Variants in PRKAA2 observed in about 807,000 individuals in gnomAD.
PRKAA2 encodes the protein 5'-AMP-activated protein kinase catalytic subunit alpha-2.
PRKAA2 carries 40 observed loss-of-function variants against 56.3 expected under a neutral mutation model. That is an observed-to-expected ratio of 0.71 (90% CI 0.55 to 0.92). PRKAA2 has a LOEUF of 0.92. Among genes scored for constraint, PRKAA2 ranks in the 40% least tolerant of loss-of-function variants. PRKAA2 has a pLI of 0.00. For synonymous variants in PRKAA2, 214 were observed against 234.2 expected (o/e 0.91, Z 0.79); for missense variants, 542 against 686.9 (o/e 0.79, Z 2.36).
intron 5 of PRKAA2, 93 bp downstream of exon 5, chr1:56,693,945 A>T: frequency 1.2e-6 from 1 of 826,840 alleles, no homozygotes; most frequent in South Asian, 2.6e-5. Flanking sequence ...GTAAGATTTT[A>T]ACATGGTAGA....
chr1:56,714,706 A>G lies in PRKAA2; in HGVS notation c.*6993A>G, dbSNP rs1342756517. 6.6e-6 allele frequency: 1 copy of G among 152,122 alleles called. No homozygotes were observed. Among genetic ancestry groups the G allele is most frequent in the Non-Finnish European group, 1.5e-5 (1 of 67,990 alleles). 9.4% of individuals were successfully genotyped at this position (152,122 alleles called of 1,614,324 possible). A position where few individuals can be genotyped will look rare whatever the true frequency, so the allele number is the denominator to read the frequency against. On this transcript the variant is annotated 3_prime_UTR_variant, in exon 9 of 9. Coordinates refer to ENST00000371244, the MANE Select transcript of PRKAA2 (RefSeq NM_006252.4). ...ATGTAAAGTTGTTGTAGAACTGTGA[A>G]CTCTAAGGATAGTATCTTTATTGTT...
chr1:56,692,554 A>G lies in PRKAA2; in HGVS notation c.475+52A>G, dbSNP rs766545304. 4 of 1,555,036 alleles carry G rather than the reference A, an allele frequency of 2.6e-6. No homozygotes were observed. In the South Asian group the frequency reaches 3.5e-5, roughly 14 times the overall value. ...AGGTACTAGCTACCTTTTAAAGCAT[A>G]ACAACTCATTGAACTAAGAACTTTA... On this transcript the variant is annotated intron_variant, in intron 4 of 8. Coordinates refer to ENST00000371244, the MANE Select transcript of PRKAA2 (RefSeq NM_006252.4).
intron 1 of PRKAA2, among the ~76,000 whole-genome samples, chr1:56,655,820 G>A (rs1475969989): frequency 6.6e-6 from 1 of 151,464 alleles, no homozygotes; most frequent in African/African-American, 2.4e-5. Flanking sequence ...CTCTGAAGAC[G>A]GATATCCTGC....
intron 6 of PRKAA2, among the ~76,000 whole-genome samples, chr1:56,702,904 A>T (rs934374194): frequency 1.3e-5 from 2 of 152,252 alleles, no homozygotes; most frequent in Non-Finnish European, 2.9e-5. Flanking sequence ...TGCAGCTAAA[A>T]TATAATCTTT....
rs985355505 is a variant in PRKAA2 at position 56,709,754 on chromosome 1, C to T, written c.*2041C>T. On this transcript the variant is annotated 3_prime_UTR_variant, in exon 9 of 9. Transcript: ENST00000371244. ...CAGAAGGAATCCAGTGATGTTTTAG[C>T]TCCATTAGTCTAATAGGTCAGATAT... 1 of 152,118 alleles carries T rather than the reference C, an allele frequency of 6.6e-6. No individual in the cohort carries two copies. The highest frequency in any genetic ancestry group is 2.4e-5 in the African/African-American group (1 of 41,434). The allele number at this position is 152,118 out of a possible 1,614,324, so 9.4% of individuals were successfully genotyped here. A position where few individuals can be genotyped will look rare whatever the true frequency, so the allele number is the denominator to read the frequency against.
intron 2 of PRKAA2, among the ~76,000 whole-genome samples, chr1:56,686,022 A>G (rs182040522): frequency 1.3e-5 from 2 of 152,310 alleles, no homozygotes; most frequent in Admixed American, 1.3e-4. Context: ...TTTACAAAGG[A>G]AGTGAAATCC....
chr1:56,675,238 G>C (rs985605418), intron 2 of PRKAA2, among the ~76,000 whole-genome samples: 5 of 152,108 alleles, frequency 3.3e-5, no homozygotes. Context: ...TAACGTGCTA[G>C]ACACTGAAAA....
intron 2 of PRKAA2, among the ~76,000 whole-genome samples, chr1:56,679,842 T>C (rs1022000901): frequency 1.3e-5 from 2 of 152,162 alleles, no homozygotes; most frequent in African/African-American, 2.4e-5. Context: ...CTCCTCTTCC[T>C]CTTCCTCCTC....
intron 2 of PRKAA2, among the ~76,000 whole-genome samples, chr1:56,690,789 G>T (rs1437130586): frequency 6.6e-6 from 1 of 152,182 alleles, no homozygotes; most frequent in Non-Finnish European, 1.5e-5. Context: ...GTCTTGCTAT[G>T]TTGCCCAGGC....
intron 1 of PRKAA2, among the ~76,000 whole-genome samples, chr1:56,655,365 T>C (rs1373867530): frequency 1.4e-5 from 2 of 147,002 alleles, no homozygotes; most frequent in African/African-American, 2.5e-5. Flanking sequence ...TCCACCTATA[T>C]TGGCCTCCCA....
intron 1 of PRKAA2, among the ~76,000 whole-genome samples, chr1:56,662,544 A>G (rs1334924395): frequency 1.3e-5 from 2 of 152,212 alleles, no homozygotes; most frequent in African/African-American, 4.8e-5. Flanking sequence ...TGGCCTCCCA[A>G]AGTGCTAGGA....
intron 6 of PRKAA2, among the ~76,000 whole-genome samples, chr1:56,698,758 A>T (rs187784008): frequency 6.6e-6 from 1 of 152,184 alleles, no homozygotes; most frequent in Non-Finnish European, 1.5e-5. Context: ...AAGTTCGGAA[A>T]TATATCTTCA....
Position 56,691,382 on chromosome 1 carries a change from T to G in PRKAA2, c.237-12T>G. The G allele has an allele frequency of 6.3e-7, 1 of 1,598,416 alleles. No homozygotes were observed. The highest frequency in any genetic ancestry group is 8.6e-7 in the Non-Finnish European group (1 of 1,168,188). On this transcript the variant is annotated splice_polypyrimidine_tract_variant and intron_variant, in intron 2 of 8. Transcript: ENST00000371244. Reference sequence around the variant, plus strand: ...AACATACTTTGTTAACTTTTTTTAATTAACAAAAAAGATACCAGGTGATCA... The same window carrying G: ...AACATACTTTGTTAACTTTTTTTAAGTAACAAAAAAGATACCAGGTGATCA...
intron 1 of PRKAA2, among the ~76,000 whole-genome samples, chr1:56,653,286 T>A (rs958109010): frequency 6.7e-6 from 1 of 150,150 alleles, no homozygotes; most frequent in African/African-American, 2.4e-5. Context: ...TATATATAAT[T>A]TATATGATTT....
intron 2 of PRKAA2, among the ~76,000 whole-genome samples, chr1:56,682,452 G>A (rs1349198594): frequency 6.6e-6 from 1 of 152,172 alleles, no homozygotes; most frequent in Non-Finnish European, 1.5e-5. Context: ...AAGGGGAAGA[G>A]CAACATCAAA....
intron 1 of PRKAA2, among the ~76,000 whole-genome samples, chr1:56,658,983 T>G (rs1291831814): frequency 6.6e-6 from 1 of 150,738 alleles, no homozygotes; most frequent in East Asian, 2.0e-4. Context: ...TTTTTTTTTT[T>G]GTAGAGATGG....
At chr1:56,673,573 A>G (rs1644092652) in intron 1 of PRKAA2, among the ~76,000 whole-genome samples, 1 of 152,202 alleles carries the variant, frequency 6.6e-6, no homozygotes, top group African/African-American at 2.4e-5. Context: ...TTTTCACCTG[A>G]ACAGTATTTA....
intron 1 of PRKAA2, among the ~76,000 whole-genome samples, chr1:56,668,205 A>G (rs1468068465): frequency 6.9e-6 from 1 of 144,826 alleles, no homozygotes; most frequent in East Asian, 2.1e-4. Context: ...ATAGGTGGGA[A>G]TTGAACAATG....
At chr1:56,670,465 A>G (rs1010620429) in intron 1 of PRKAA2, among the ~76,000 whole-genome samples, 1 of 152,132 alleles carries the variant, frequency 6.6e-6, no homozygotes, top group Non-Finnish European at 1.5e-5. Flanking sequence ...GAAGGAAGGG[A>G]TGAGGAATAA....
Sources: gnomAD v4.1 joint callset for allele counts (sites outside exome capture counted in the v4.1 genomes callset) on GRCh38, gnomAD v4.1.1 for gene constraint, MANE v1.5 for transcripts, NCBI Gene and HGNC (gene_info 2026-07-23, HGNC 2026-07-21) for gene names.